The following MYH7 variants were observed in gnomAD, a reference collection of about 807,000 sequenced individuals.
MYH7 encodes the protein myosin-7.
MYH7 carries 129 observed loss-of-function variants against 225.4 expected under a neutral mutation model. The observed-to-expected ratio is 0.57, with a 90% confidence interval of 0.50 to 0.66. The LOEUF is 0.66. Ranked by LOEUF, MYH7 falls within the 30% of genes least tolerant of loss-of-function variation. MYH7 has a pLI of 0.00. For missense variants in MYH7, 1,649 were observed against 2,517.0 expected (o/e 0.66, Z 7.38); for synonymous variants, 971 against 1,007.6 (o/e 0.96, Z 0.69).
rs397516233 is a variant in MYH7, at chr14:23,415,832, C to T, written c.4954G>A (p.Asp1652Asn). 1.2e-6 allele frequency: 2 copies of T among 1,614,214 alleles called. No homozygotes were observed. The highest frequency in any genetic ancestry group is 2.2e-5 in the East Asian group (1 of 44,882). Reference sequence around the variant, plus strand: ...GCATCGTCCAGCTGAATCTGGGTGTCCTGAGGATCAGGAGAGTGGGCATGA... The same window carrying T: ...GCATCGTCCAGCTGAATCTGGGTGTTCTGAGGATCAGGAGAGTGGGCATGA... ...QVKSLQSLLK[D>N]TQIQLDDAVR... Residue 1652 changes from aspartate to asparagine, a missense_variant and splice_region_variant, in exon 35 of 40, where the codon GAC becomes AAC. Physicochemically the swap from Asp to Asn is conservative, Grantham distance 23. Around this residue, in one of 12 missense-constraint regions of MYH7, gnomAD observed 687 missense variants for 913.8 expected, o/e 0.75. Coordinates refer to ENST00000355349, the MANE Select transcript of MYH7 (RefSeq NM_000257.4). The surrounding 1 kb of genome is among the most constrained non-coding windows in gnomAD (Gnocchi z 6.3).
At chr14:23,422,856 C>T (rs1173936974) in intron 24 of MYH7, among the ~76,000 whole-genome samples, 1 of 152,296 alleles carries the variant, frequency 6.6e-6, no homozygotes, top group East Asian at 1.9e-4. Context: ...GTCTCGATCT[C>T]TTGACCTCGT....
In MYH7 at chr14:23,419,830, C is replaced by G; in HGVS notation, c.3726+15G>C. ...GAGGAGGAAGTTGGAGGAGGGGAGG[C>G]CGAGCAGAGCCTGCCTTGGCCTTGA... On this transcript the variant is annotated intron_variant, in intron 27 of 39. Transcript: ENST00000355349. 1.2e-6 allele frequency: 2 copies of G among 1,613,916 alleles called. No homozygotes were observed. Among genetic ancestry groups the G allele is most frequent in the Non-Finnish European group, 1.7e-6 (2 of 1,179,886 alleles).
chr14:23,416,797 G>A (rs954881337), intron 33 of MYH7, 71 bp downstream of exon 33: 20 of 1,609,602 alleles, frequency 1.2e-5, no homozygotes, highest in Middle Eastern at 1.9e-4. Flanking sequence ...CGGACAAAGC[G>A]GGGGATGAGA....
At chr14:23,419,348 C>G (rs1464454913) in intron 28 of MYH7, 53 bp from the exon 29 acceptor site, 7 of 1,613,014 alleles carry the variant, frequency 4.3e-6, no homozygotes, top group Non-Finnish European at 5.9e-6. Context: ...ACCTCCTCCT[C>G]TAGCCCTCAG....
chr14:23,418,781 C>A (rs1414148327), intron 29 of MYH7, among the ~76,000 whole-genome samples: 1 of 152,132 alleles, frequency 6.6e-6, no homozygotes, highest in Non-Finnish European at 1.5e-5. Context: ...AAATCATGTT[C>A]TTTCTCCTTT....
At chr14:23,418,177 C>G in intron 30 of MYH7, 33 bp downstream of exon 30, 1 of 1,613,026 alleles carries the variant, frequency 6.2e-7, no homozygotes, top group Non-Finnish European at 8.5e-7. Context: ...TGCAAAGGGG[C>G]CTCAGCCAGA....
chr14:23,419,375 A>G, intron 28 of MYH7, 80 bp from the exon 29 acceptor site: 1 of 1,612,078 alleles, frequency 6.2e-7, no homozygotes, highest in Non-Finnish European at 8.5e-7. Context: ...TTTTCTGGAG[A>G]GACTCTGTGT....
chr14:23,413,627 TA>T lies in MYH7; in HGVS notation c.5790+131del, dbSNP rs1469180633. ...TCCTTGAAATCACAGAGAACTGCAT[TA>T]CCTTGGCCTCTGGGGCCATGTGGCT... On this transcript the variant is annotated intron_variant, in intron 39 of 39. Transcript: ENST00000355349. 3.2e-6 allele frequency: 4 copies of T among 1,242,166 alleles called. No individual in the cohort carries two copies. The African/African-American group carries it at 6.0e-5, about 19-fold the overall frequency. The allele number at this position is 1,242,166 out of a possible 1,614,324, so 76.9% of individuals were successfully genotyped here.
rs140386882 is a variant in MYH7, at chr14:23,435,303, T to A, written c.-65+317A>T. ...TCATACACCCACATCTCCCACTTGA[T>A]ATTTCTGTATCAGTCAGTGAGGTAC... On this transcript the variant is annotated intron_variant, in intron 1 of 39. Transcript: ENST00000355349. Among the ~76,000 whole-genome samples, 434 of 152,178 alleles carry A rather than the reference T, an allele frequency of 2.9e-3. 2 individuals carry two copies. The highest frequency in any genetic ancestry group is 9.7e-3 in the African/African-American group (404 of 41,508).
intron 12 of MYH7, among the ~76,000 whole-genome samples, 186 bp from the exon 13 acceptor site, chr14:23,429,533 A>C (rs1892836838): frequency 6.6e-6 from 1 of 152,040 alleles, no homozygotes; most frequent in Admixed American, 6.5e-5. Context: ...AAAATTAGCC[A>C]GGCATGGTGG....
intron 14 of MYH7, 128 bp downstream of exon 14, chr14:23,428,827 C>T (rs754183555): frequency 7.4e-5 from 117 of 1,572,624 alleles, no homozygotes; most frequent in Non-Finnish European, 9.3e-5. Flanking sequence ...GAGAAAATGA[C>T]TGCCTCTGTC....
intron 14 of MYH7, 132 bp from the exon 15 acceptor site, chr14:23,428,802 C>T (rs1434684283): frequency 5.1e-6 from 8 of 1,573,106 alleles, no homozygotes; most frequent in Non-Finnish European, 6.9e-6. Flanking sequence ...TGAAGGAGGG[C>T]TTCCCCTGAA....
At position 23,430,668 on chromosome 14, in the gene MYH7, G is replaced by T; in HGVS notation, c.896-5C>A. On this transcript the variant is annotated splice_polypyrimidine_tract_variant and splice_region_variant and intron_variant, in intron 10 of 39. Coordinates refer to ENST00000355349, the MANE Select transcript of MYH7 (RefSeq NM_000257.4). ...TGTTGGTGATCAGCAGCATGTCTAG[G>T]GGAAAAAACATGGTTAGGGTGGGAC... 6.2e-7 allele frequency: 1 copy of T among 1,611,984 alleles called. No individual in the cohort carries two copies. The highest frequency in any genetic ancestry group is 8.5e-7 in the Non-Finnish European group (1 of 1,178,134).
chr14:23,421,027 A>G lies in MYH7; in HGVS notation c.3267T>C (p.Ala1089=), dbSNP rs1456297955. The change falls in exon 26 of 40, where the codon GCT becomes GCC. Residue 1089 remains alanine (A), a synonymous_variant. Transcript: ENST00000355349. ...RLKKKDFELN[A]LNARIEDEQA... is the part of the protein sequence containing the mutation. ...GTTCATCCTCAATCCTTGCGTTGAGAGCATTCAGCTCAAAGTCTTTTCTGT... is the reference window on the plus strand; with the variant it reads ...GTTCATCCTCAATCCTTGCGTTGAGGGCATTCAGCTCAAAGTCTTTTCTGT... The G allele has an allele frequency of 6.2e-7, 1 of 1,613,046 alleles. No homozygotes were observed. Among genetic ancestry groups the G allele is most frequent in the African/African-American group, 1.3e-5 (1 of 74,988 alleles).
chr14:23,429,721 C>T lies in MYH7; in HGVS notation c.1138+54G>A. The T allele has an allele frequency of 4.4e-6, 7 of 1,603,196 alleles. No individual in the cohort carries two copies. The South Asian group carries it at 7.7e-5, about 18-fold the overall frequency. Reference sequence around the variant, plus strand: ...AAAGAGAAGAGAGATGACTGCTGAGCAGACATGGCCCTCCATGACTTGACA... The same window carrying T: ...AAAGAGAAGAGAGATGACTGCTGAGTAGACATGGCCCTCCATGACTTGACA... On this transcript the variant is annotated intron_variant, in intron 12 of 39. Transcript: ENST00000355349.
At position 23,415,096 on chromosome 14, in the gene MYH7, G is replaced by C. The variant is rs145734640; in HGVS notation, c.5458C>G (p.Arg1820Gly). Reference protein sequence around the residue: ...KQLQKLEARVRELENELEAEQ... With the variant: ...KQLQKLEARVGELENELEAEQ... ...GCCTCCAGCTCATTCTCCAGCTCCC[G>C]CACCCGCGCTTCCAGCTTCTGCAGC... Residue 1820 changes from arginine (R) to glycine (G), a missense_variant, in exon 37 of 40, where the codon CGG becomes GGG. This residue lies in a region of MYH7 where 687 missense variants were observed against 913.8 expected (regional missense o/e 0.75). Coordinates refer to ENST00000355349, the MANE Select transcript of MYH7 (RefSeq NM_000257.4). The surrounding 1 kb of genome is among the most constrained non-coding windows in gnomAD (Gnocchi z 6.3). 6.8e-6 allele frequency: 11 copies of C among 1,613,762 alleles called. No homozygotes were observed. The African/African-American group carries it at 1.5e-4, about 22-fold the overall frequency.
chr14:23,426,440 T>C (rs1440573008), intron 18 of MYH7, among the ~76,000 whole-genome samples: 1 of 152,174 alleles, frequency 6.6e-6, no homozygotes, highest in Non-Finnish European at 1.5e-5. Context: ...AAAAATGGAT[T>C]AACAATTTGA....
At chr14:23,413,633 G>C in intron 39 of MYH7, 126 bp downstream of exon 39, 1 of 1,269,408 alleles carries the variant, frequency 7.9e-7, no homozygotes, top group South Asian at 1.3e-5. Flanking sequence ...GCATTACCTT[G>C]GCCTCTGGGG....
chr14:23,430,532 C>A lies in MYH7; in HGVS notation c.999+28G>T, dbSNP rs757580733. 5 of 1,568,174 alleles carry A rather than the reference C, an allele frequency of 3.2e-6. No homozygotes were observed. In the South Asian group the frequency reaches 4.5e-5, roughly 14 times the overall value. On this transcript the variant is annotated intron_variant, in intron 11 of 39. Coordinates refer to ENST00000355349, the MANE Select transcript of MYH7 (RefSeq NM_000257.4). ...TTGCCCCTCACTGCCAATCCTCCCA[C>A]CCCCTGGCTGGGTCCTCACACACTC... is the stretch of plus-strand genomic sequence containing the variant.
Sources: gnomAD v4.1 joint callset for allele counts (sites outside exome capture counted in the v4.1 genomes callset) on GRCh38, gnomAD v4.1.1 for gene constraint, gnomAD v4.1.1 regional missense constraint, Gnocchi (gnomAD v3.1) non-coding constraint, MANE v1.5 for transcripts, NCBI Gene and HGNC (gene_info 2026-07-23, HGNC 2026-07-21) for gene names.